Variants in CIC observed in about 807,000 individuals in gnomAD.
The protein encoded by CIC is capicua transcriptional repressor.
CIC carries 18 observed loss-of-function variants against 115.7 expected under a neutral mutation model. That is an observed-to-expected ratio of 0.16 (90% CI 0.11 to 0.23). The LOEUF (loss-of-function observed/expected upper bound fraction) is 0.23, where lower values mean the gene tolerates loss of function less well. Ranked by LOEUF, CIC falls within the 10% of genes least tolerant of loss-of-function variation. CIC has a pLI of 1.00. For synonymous variants in CIC, 1,076 were observed against 923.0 expected (o/e 1.17, Z -3.01); for missense variants, 2,000 against 2,159.3 (o/e 0.93, Z 1.46).
In CIC at chr19:42,287,504, C is replaced by G. The variant is rs761952423; in HGVS notation, c.3310-41C>G. On this transcript the variant is annotated intron_variant, in intron 5 of 20. Transcript: ENST00000681038. The surrounding 1 kb of genome is among the most constrained non-coding windows in gnomAD (Gnocchi z 8.7). ...CCCCGTGGCCACCCACACCTGTCTG[C>G]CAGGTCCTAACTGTCCCGCTCTGGG... The G allele has an allele frequency of 1.2e-6, 2 of 1,612,316 alleles. No individual in the cohort carries two copies. Among genetic ancestry groups the G allele is most frequent in the Non-Finnish European group, 8.5e-7 (1 of 1,180,020 alleles).
rs1228722072 is a variant in CIC at position 42,280,762 on chromosome 19, G to C, written c.2795-6009G>C. ...GGCGAGTGGAAAATCTCGTGAGCGC[G>C]GGGAGGGGAGGGGAACGCAGGGCGG... On this transcript the variant is annotated intron_variant, in intron 2 of 20. Coordinates refer to ENST00000681038, the MANE Select transcript of CIC (RefSeq NM_001386298.1). This position sits in a 1 kb window ranked among gnomAD's most constrained non-coding sequence, Gnocchi z 4.9. 6.6e-6 allele frequency among the ~76,000 whole-genome samples: 1 copy of C among 152,046 alleles called. No individual in the cohort carries two copies. The highest frequency in any genetic ancestry group is 2.4e-5 in the African/African-American group (1 of 41,392).
At chr19:42,292,012 T>C (rs1485107380) in intron 12 of CIC, 74 bp from the exon 13 acceptor site, 2 of 1,604,944 alleles carry the variant, frequency 1.2e-6, no homozygotes, top group Non-Finnish European at 1.7e-6. Flanking sequence ...AGAGTCCCAC[T>C]TGAGGTCTTG....
chr19:42,293,158 G>C lies in CIC; in HGVS notation c.6399G>C (p.Glu2133Asp). 6.2e-7 allele frequency: 1 copy of C among 1,605,156 alleles called. No individual in the cohort carries two copies. Among genetic ancestry groups the C allele is most frequent in the Admixed American group, 1.7e-5 (1 of 58,820 alleles). ...CAACTGCCCCAGAGTCTGAGCTTGAGGGGCAGCCCACACCACCAGCCCCTC... is the reference window on the plus strand; with the variant it reads ...CAACTGCCCCAGAGTCTGAGCTTGACGGGCAGCCCACACCACCAGCCCCTC... ...REPTAPESEL[E>D]GQPTPPAPPP... Residue 2133 changes from glutamate to aspartate, a missense_variant, in exon 16 of 21, where the codon GAG becomes GAC. Transcript: ENST00000681038.
At chr19:42,288,067 C>T in intron 7 of CIC, 92 bp downstream of exon 7, 1 of 1,396,170 alleles carries the variant, frequency 7.2e-7, no homozygotes, top group Non-Finnish European at 9.9e-7. Flanking sequence ...GCCCCAGCAG[C>T]TCCTCTCTGC....
intron 2 of CIC, among the ~76,000 whole-genome samples, chr19:42,278,327 C>T (rs2037071885): frequency 6.6e-6 from 1 of 152,240 alleles, no homozygotes; most frequent in Non-Finnish European, 1.5e-5. Flanking sequence ...TGCCTGGCTT[C>T]CCCTTGTTGA....
chr19:42,295,143 G>GGCCCCCCCCCCC lies in CIC; in HGVS notation c.7506_7507insGCCCCCCCCCCC (p.Gln2502_Pro2503insAlaProProPro). On this transcript the variant is annotated inframe_insertion, in exon 21 of 21. Transcript: ENST00000681038. ...AGCCTGGCTGGGAGGGGGCTCCCCA[G>GGCCCCCCCCCCC]CCCTCCCCCCCACCCCCAGGTCCCT... The GGCCCCCCCCCCC allele has an allele frequency of 3.6e-6, 5 of 1,382,708 alleles. No homozygotes were observed. Among genetic ancestry groups the GGCCCCCCCCCCC allele is most frequent in the Non-Finnish European group, 4.8e-6 (5 of 1,037,806 alleles). 85.7% of individuals were successfully genotyped at this position (1,382,708 alleles called of 1,614,324 possible).
At chr19:42,281,042 C>T (rs959161783) in intron 2 of CIC, among the ~76,000 whole-genome samples, 1 of 150,524 alleles carries the variant, frequency 6.6e-6, no homozygotes, top group Non-Finnish European at 1.5e-5. Flanking sequence ...CTCACCCCGG[C>T]GCTATTTTTA....
In CIC at chr19:42,291,147, C is replaced by T. The variant is rs1214147656; in HGVS notation, c.5106C>T (p.Gly1702=). The T allele has an allele frequency of 1.2e-6, 2 of 1,607,796 alleles. No homozygotes were observed. Among genetic ancestry groups the T allele is most frequent in the Non-Finnish European group, 1.7e-6 (2 of 1,176,030 alleles). Residue 1702 remains glycine, a synonymous_variant, in exon 11 of 21, where the codon GGC becomes GGT. Coordinates refer to ENST00000681038, the MANE Select transcript of CIC (RefSeq NM_001386298.1). ...CCCCTGGTGGTGGGACCACTGCGGGCTCAGGAGCAGGTGCTGGGAGTGGCC... is the reference window on the plus strand; with the variant it reads ...CCCCTGGTGGTGGGACCACTGCGGGTTCAGGAGCAGGTGCTGGGAGTGGCC... ...QGAPGGGTTA[G]SGAGAGSGPN...
chr19:42,291,950 C>T lies in CIC; in HGVS notation c.5614-136C>T, dbSNP rs1274661927. On this transcript the variant is annotated intron_variant, in intron 12 of 20. Coordinates refer to ENST00000681038, the MANE Select transcript of CIC (RefSeq NM_001386298.1). Reference sequence around the variant, plus strand: ...TCTCTGTGTCCCCACCTCTCACTGTCATCTTGCCCATCCTGTTCTCACCCC... The same window carrying T: ...TCTCTGTGTCCCCACCTCTCACTGTTATCTTGCCCATCCTGTTCTCACCCC... 9 of 1,383,304 alleles carry T rather than the reference C, an allele frequency of 6.5e-6. No homozygotes were observed. In the South Asian group the frequency reaches 7.0e-5, roughly 11 times the overall value. The allele number at this position is 1,383,304 out of a possible 1,614,324, so 85.7% of individuals were successfully genotyped here. A position where few individuals can be genotyped will look rare whatever the true frequency, so the allele number is the denominator to read the frequency against.
At position 42,291,084 on chromosome 19, in the gene CIC, C is replaced by T. The variant is rs374952209; in HGVS notation, c.5043C>T (p.Ala1681=). The T allele has an allele frequency of 8.1e-6, 13 of 1,613,514 alleles. No individual in the cohort carries two copies. The Admixed American group carries it at 2.0e-4, about 25-fold the overall frequency. The change falls in exon 11 of 21, where the codon GCC becomes GCT. Residue 1681 remains alanine, a synonymous_variant. Transcript: ENST00000681038. ...NLLVGTPGYG[A]PAPPAVQFIA... The stretch of plus-strand genomic sequence containing the variant: ...TGGTGGGCACCCCGGGGTATGGGGC[C>T]CCTGCGCCCCCTGCTGTCCAGTTCA...
intron 2 of CIC, among the ~76,000 whole-genome samples, chr19:42,279,696 G>A (rs533585752): frequency 6.6e-6 from 1 of 152,282 alleles, no homozygotes; most frequent in East Asian, 1.9e-4. Context: ...GGCTCTACGC[G>A]GGCCAGTAAA....
At chr19:42,275,399 G>C (rs1442683019) in intron 2 of CIC, among the ~76,000 whole-genome samples, 3 of 152,254 alleles carry the variant, frequency 2.0e-5, no homozygotes, top group Non-Finnish European at 4.4e-5. Flanking sequence ...AGGAGTTGAA[G>C]GATGAGTGGG....
At chr19:42,268,905 G>T (rs1436347915), upstream of CIC, among the ~76,000 whole-genome samples, 1 of 152,208 alleles carries the variant, frequency 6.6e-6, no homozygotes, top group Non-Finnish European at 1.5e-5. Flanking sequence ...CAGAGGCTGG[G>T]TTCCGGCCTA....
rs2038170855 is a variant in CIC, at chr19:42,292,160, T to G, written c.5688T>G (p.Pro1896=). The G allele has an allele frequency of 3.7e-6, 6 of 1,613,922 alleles. No homozygotes were observed. In the East Asian group the frequency reaches 1.3e-4, roughly 36 times the overall value. ...LVPPLSPATL[P]GPTSQPQKVL... The stretch of plus-strand genomic sequence containing the variant: ...CGCCCCTGAGCCCAGCCACACTCCC[T>G]GGACCCACCTCTCAGCCTCAGAAGG... The change falls in exon 13 of 21, where the codon CCT becomes CCG. Residue 1896 remains proline, a synonymous_variant. Coordinates refer to ENST00000681038, the MANE Select transcript of CIC (RefSeq NM_001386298.1).
rs1203860284 is a variant in CIC, at chr19:42,295,439, C to A, written c.*248C>A. Reference sequence around the variant, plus strand: ...CCTGTACATAACCTGGAGCGTGTGACCTTCAGAGCTTTTCACTTTATGCAA... The same window carrying A: ...CCTGTACATAACCTGGAGCGTGTGAACTTCAGAGCTTTTCACTTTATGCAA... On this transcript the variant is annotated 3_prime_UTR_variant, in exon 21 of 21. Coordinates refer to ENST00000681038, the MANE Select transcript of CIC (RefSeq NM_001386298.1). The A allele has an allele frequency of 2.0e-6, 1 of 492,190 alleles. No homozygotes were observed. Among genetic ancestry groups the A allele is most frequent in the Non-Finnish European group, 3.6e-6 (1 of 276,972 alleles). The allele number at this position is 492,190 out of a possible 1,614,324, so 30.5% of individuals were successfully genotyped here. A position where few individuals can be genotyped will look rare whatever the true frequency, so the allele number is the denominator to read the frequency against.
Position 42,289,217 on chromosome 19 carries a change from CCTT to C in CIC, c.3901_3903del (p.Ser1301del), listed in dbSNP as rs1310478471. 4 of 1,613,270 alleles carry C rather than the reference CCTT, an allele frequency of 2.5e-6. No individual in the cohort carries two copies. Among genetic ancestry groups the C allele is most frequent in the Non-Finnish European group, 3.4e-6 (4 of 1,180,042 alleles). On this transcript the variant is annotated inframe_deletion, in exon 9 of 21. Coordinates refer to ENST00000681038, the MANE Select transcript of CIC (RefSeq NM_001386298.1). Reference sequence around the variant, plus strand: ...CCCTGCATCGTACTCTGGCCCAAAGCCTTCTACCCAGTATGGAGCTCCAGGACC... The same window carrying C: ...CCCTGCATCGTACTCTGGCCCAAAGCCTACCCAGTATGGAGCTCCAGGACC...
intron 2 of CIC, among the ~76,000 whole-genome samples, chr19:42,274,936 G>A (rs1198397330): frequency 6.6e-6 from 1 of 152,164 alleles, no homozygotes; most frequent in Non-Finnish European, 1.5e-5. Context: ...GCATTGCCAT[G>A]GTAAGCACTG....
intron 1 of CIC, among the ~76,000 whole-genome samples, chr19:42,269,792 C>T (rs888059385): frequency 7.3e-5 from 11 of 151,526 alleles, no homozygotes; most frequent in South Asian, 2.1e-4. Context: ...GGCATTTTAA[C>T]CGAGAGGTAG....
Position 42,290,016 on chromosome 19 carries a change from C to T in CIC, c.4191+65C>T, listed in dbSNP as rs1424207533. ...TCCTAAGCCATGGGAATGTCTGTTT[C>T]TCCCGGGCTTGAGAGAGGGGGAGAT... On this transcript the variant is annotated intron_variant, in intron 10 of 20. Transcript: ENST00000681038. 20 of 1,477,840 alleles carry T rather than the reference C, an allele frequency of 1.4e-5. No individual in the cohort carries two copies. The East Asian group carries it at 4.6e-4, about 34-fold the overall frequency. 91.5% of individuals were successfully genotyped at this position (1,477,840 alleles called of 1,614,324 possible). A position where few individuals can be genotyped will look rare whatever the true frequency, so the allele number is the denominator to read the frequency against.
Sources: allele counts gnomAD v4.1 joint callset (sites outside exome capture counted in the v4.1 genomes callset), GRCh38; gene constraint gnomAD v4.1.1; non-coding constraint Gnocchi (gnomAD v3.1); transcripts MANE v1.5; gene names NCBI Gene and HGNC (gene_info 2026-07-23, HGNC 2026-07-21).